The following KLF5 variants were observed in gnomAD, a reference collection of about 807,000 sequenced individuals.
KLF5 encodes the protein KLF transcription factor 5, also known as Krueppel-like factor 5.
A neutral mutation model predicts 36.9 loss-of-function variants in KLF5; 9 were observed. The observed-to-expected ratio is 0.24, with a 90% CI of 0.15 to 0.43. The LOEUF (loss-of-function observed/expected upper bound fraction) is 0.43, where lower values mean the gene tolerates loss of function less well. Ranked by LOEUF, KLF5 falls within the 20% of genes least tolerant of loss-of-function variation. The pLI is 1.00. For missense variants in KLF5, 524 were observed against 599.5 expected (o/e 0.87, Z 1.31); for synonymous variants, 246 against 241.7 (o/e 1.02, Z -0.17).
Position 73,075,926 on chromosome 13 carries a change from C to G in KLF5, c.*40C>G. ...ACCCGTTCCAGGTCCCCTGGGCTCCCTCAAATGACAGACCTAACTATTCCT... is the reference window on the plus strand; with the variant it reads ...ACCCGTTCCAGGTCCCCTGGGCTCCGTCAAATGACAGACCTAACTATTCCT... On this transcript the variant is annotated 3_prime_UTR_variant, in exon 4 of 4. Coordinates refer to ENST00000377687, the MANE Select transcript of KLF5 (RefSeq NM_001730.5). The G allele has an allele frequency of 6.9e-7, 1 of 1,459,644 alleles. No individual in the cohort carries two copies. Among genetic ancestry groups the G allele is most frequent in the East Asian group, 2.4e-5 (1 of 41,296 alleles). The allele number at this position is 1,459,644 out of a possible 1,614,324, so 90.4% of individuals were successfully genotyped here. A position where few individuals can be genotyped will look rare whatever the true frequency, so the allele number is the denominator to read the frequency against.
chr13:73,059,288 T>TA lies in KLF5; in HGVS notation c.-40_-39insA. 1 of 1,326,800 alleles carries TA rather than the reference T, an allele frequency of 7.5e-7. No homozygotes were observed. The highest frequency in any genetic ancestry group is 3.9e-5 in the Admixed American group (1 of 25,678). 82.2% of individuals were successfully genotyped at this position (1,326,800 alleles called of 1,614,324 possible). ...AAGCCAGCGTGGGCGAGGTGGGAAGTGCGCCCGACCCGCGCCTGGAGCTGC... is the reference window on the plus strand; with the variant it reads ...AAGCCAGCGTGGGCGAGGTGGGAAGTAGCGCCCGACCCGCGCCTGGAGCTGC... On this transcript the variant is annotated 5_prime_UTR_variant, in exon 1 of 4. Coordinates refer to ENST00000377687, the MANE Select transcript of KLF5 (RefSeq NM_001730.5).
chr13:73,062,273 A>C lies in KLF5; in HGVS notation c.674A>C (p.Gln225Pro). 3.1e-6 allele frequency: 5 copies of C among 1,614,100 alleles called. No homozygotes were observed. The highest frequency in any genetic ancestry group is 4.2e-6 in the Non-Finnish European group (5 of 1,180,012). Residue 225 changes from glutamine to proline, a missense_variant, in exon 2 of 4, where the codon CAG becomes CCG. Transcript: ENST00000377687. ...PDLHLSVPTQ[Q>P]GHLYQLLNTP... ...CTTCATCTTTCTGTCCCTACCCAGC[A>C]GGGCCACCTGTACCAGCTACTGAAT... is the stretch of plus-strand genomic sequence containing the variant.
At position 73,075,705 on chromosome 13, in the gene KLF5, C is replaced by T; in HGVS notation, c.1196-3C>T. ...GCTTTACCTCCTTTGTTCGTTGTCA[C>T]AGGTGAAAAGCCATACAAGTGTACC... On this transcript the variant is annotated splice_region_variant and splice_polypyrimidine_tract_variant and intron_variant, in intron 3 of 3. Transcript: ENST00000377687. 2 of 1,576,196 alleles carry T rather than the reference C, an allele frequency of 1.3e-6. No homozygotes were observed. Among genetic ancestry groups the T allele is most frequent in the Non-Finnish European group, 1.7e-6 (2 of 1,150,274 alleles).
At chr13:73,073,434 T>G (rs904417625) in intron 3 of KLF5, among the ~76,000 whole-genome samples, 3 of 152,214 alleles carry the variant, frequency 2.0e-5, no homozygotes, top group Non-Finnish European at 4.4e-5. Context: ...CTTTAATGGC[T>G]ACCGTATTTC....
rs754464962 is a variant in KLF5 at position 73,062,193 on chromosome 13, C to T, written c.594C>T (p.Thr198=). 1.9e-6 allele frequency: 3 copies of T among 1,614,114 alleles called. No individual in the cohort carries two copies. Among genetic ancestry groups the T allele is most frequent in the African/African-American group, 1.3e-5 (1 of 75,026 alleles). Residue 198 remains threonine, a synonymous_variant, in exon 2 of 4, where the codon ACC becomes ACT. Transcript: ENST00000377687. ...CCAGTATATTCAGCTCACACCAGAC[C>T]GCAGCTCCAGAGGTGAACAATATTT... is the stretch of plus-strand genomic sequence containing the variant. ...EFTSIFSSHQ[T]AAPEVNNIFI... is the part of the protein sequence containing the mutation.
chr13:73,059,621 C>T, intron 1 of KLF5, 33 bp downstream of exon 1: 1 of 1,140,560 alleles, frequency 8.8e-7, no homozygotes. Flanking sequence ...CACCGCAGCA[C>T]TCCCGGGCTC....
intron 3 of KLF5, among the ~76,000 whole-genome samples, chr13:73,071,689 G>A (rs79967159): frequency 0.11 from 16,626 of 152,114 alleles, 1,186 homozygotes; most frequent in Non-Finnish European, 0.17. Context: ...CTCAAATGAT[G>A]GGAAAAATCT....
chr13:73,066,189 G>T (rs2044678531), intron 3 of KLF5, among the ~76,000 whole-genome samples: 1 of 152,174 alleles, frequency 6.6e-6, no homozygotes, highest in African/African-American at 2.4e-5. Flanking sequence ...TAATCATAGA[G>T]CATTGAGGTT....
Position 73,071,708 on chromosome 13 carries a change from T to A in KLF5, c.1196-4000T>A, listed in dbSNP as rs572363469. On this transcript the variant is annotated intron_variant, in intron 3 of 3. Coordinates refer to ENST00000377687, the MANE Select transcript of KLF5 (RefSeq NM_001730.5). ...AATGATGGGAAAAATCTAATTATTA[T>A]TGAATTGCATGAAAATATTTTCCTC... Among the ~76,000 whole-genome samples the A allele has an allele frequency of 3.9e-5, 6 of 152,330 alleles. No homozygotes were observed. In the South Asian group the frequency reaches 1.2e-3, roughly 32 times the overall value.
At position 73,075,757 on chromosome 13, in the gene KLF5, G is replaced by A. The variant is rs766388079; in HGVS notation, c.1245G>A (p.Ala415=). 2.5e-5 allele frequency: 40 copies of A among 1,612,078 alleles called. No individual in the cohort carries two copies. The highest frequency in any genetic ancestry group is 1.6e-4 in the East Asian group (7 of 44,848). ...GGGAAGGCTGCGACTGGAGGTTCGC[G>A]CGATCGGATGAGCTGACCCGCCACT... The part of the protein sequence containing the change: ...CTWEGCDWRF[A]RSDELTRHYR... Residue 415 remains alanine (A), a synonymous_variant, in exon 4 of 4, where the codon GCG becomes GCA. Coordinates refer to ENST00000377687, the MANE Select transcript of KLF5 (RefSeq NM_001730.5).
rs1343232413 is a variant in KLF5 at position 73,062,375 on chromosome 13, C to T, written c.776C>T (p.Ala259Val). Residue 259 changes from alanine (A) to valine (V), a missense_variant, in exon 2 of 4, where the codon GCC (alanine) becomes GTC (valine). Ala to Val is a moderately conservative substitution (Grantham distance 64, BLOSUM62 0). Transcript: ENST00000377687. ...ACTCTTAATGTTTCTATGTCAGCTG[C>T]CATGGCAGGCCTTAACACACACACC... Reference protein sequence around the residue: ...MDTLNVSMSAAMAGLNTHTSA... With the variant: ...MDTLNVSMSAVMAGLNTHTSA... 1.9e-6 allele frequency: 3 copies of T among 1,614,190 alleles called. No homozygotes were observed. Among genetic ancestry groups the T allele is most frequent in the Middle Eastern group, 1.6e-4 (1 of 6,062 alleles).
intron 3 of KLF5, among the ~76,000 whole-genome samples, chr13:73,071,255 T>C (rs1303529582): frequency 1.3e-5 from 2 of 152,198 alleles, no homozygotes; most frequent in African/African-American, 4.8e-5. Flanking sequence ...TATCGGATTT[T>C]AAAGAAAGTG....
At position 73,059,427 on chromosome 13, in the gene KLF5, C is replaced by A; in HGVS notation, c.100C>A (p.Leu34Met). 1.5e-6 allele frequency: 2 copies of A among 1,311,388 alleles called. No individual in the cohort carries two copies. The highest frequency in any genetic ancestry group is 4.2e-5 in the South Asian group (2 of 47,524). 81.2% of individuals were successfully genotyped at this position (1,311,388 alleles called of 1,614,324 possible). A position where few individuals can be genotyped will look rare whatever the true frequency, so the allele number is the denominator to read the frequency against. Residue 34 changes from leucine (L) to methionine (M), a missense_variant, in exon 1 of 4, where the codon CTG becomes ATG. This residue lies in a region of KLF5 where 454 missense variants were observed against 458.1 expected (regional missense o/e 0.99). Coordinates refer to ENST00000377687, the MANE Select transcript of KLF5 (RefSeq NM_001730.5). ...EPVFAQLKPV[L>M]GAANPARDAA... is the part of the protein sequence containing the mutation. ...GGTGTTCGCGCAGCTCAAGCCGGTG[C>A]TGGGCGCCGCGAATCCGGCCCGCGA... is the stretch of plus-strand genomic sequence containing the variant.
chr13:73,062,373 T>C lies in KLF5; in HGVS notation c.774T>C (p.Ala258=). 1 of 1,614,208 alleles carries C rather than the reference T, an allele frequency of 6.2e-7. No individual in the cohort carries two copies. Among genetic ancestry groups the C allele is most frequent in the Non-Finnish European group, 8.5e-7 (1 of 1,180,032 alleles). ...ACACTCTTAATGTTTCTATGTCAGC[T>C]GCCATGGCAGGCCTTAACACACACA... ...AMDTLNVSMS[A]AMAGLNTHTS... is the part of the protein sequence containing the mutation. The change falls in exon 2 of 4, where the codon GCT becomes GCC. Residue 258 remains alanine, a synonymous_variant. Transcript: ENST00000377687.
chr13:73,063,958 C>A, intron 3 of KLF5, 75 bp downstream of exon 3: 1 of 777,614 alleles, frequency 1.3e-6, no homozygotes, highest in Non-Finnish European at 2.1e-6. Context: ...AAAGCTAACA[C>A]GTGTTTGATC....
upstream of KLF5, among the ~76,000 whole-genome samples, chr13:73,056,012 A>T (rs2044581015): frequency 6.6e-6 from 1 of 152,122 alleles, no homozygotes; most frequent in African/African-American, 2.4e-5. Flanking sequence ...ACATTGCCCT[A>T]GTGATAGCTT....
At chr13:73,068,163 C>G (rs532559345) in intron 3 of KLF5, among the ~76,000 whole-genome samples, 1 of 152,218 alleles carries the variant, frequency 6.6e-6, no homozygotes, top group African/African-American at 2.4e-5. Context: ...TCTTAAAGCA[C>G]TGTGTTCAAG....
intron 3 of KLF5, among the ~76,000 whole-genome samples, chr13:73,073,375 C>T (rs1330011439): frequency 6.6e-6 from 1 of 152,186 alleles, no homozygotes; most frequent in East Asian, 1.9e-4. Flanking sequence ...TGGCTGAATA[C>T]TCTATAGATG....
chr13:73,076,216 A>C lies in KLF5; in HGVS notation c.*330A>C, dbSNP rs1312739850. The C allele has an allele frequency of 9.3e-6, 2 of 214,916 alleles. No individual in the cohort carries two copies. The highest frequency in any genetic ancestry group is 1.8e-4 in the South Asian group (1 of 5,472). 13.3% of individuals were successfully genotyped at this position (214,916 alleles called of 1,614,324 possible). ...CGTTTTTACCTAGGCACCATCATTT[A>C]ATGTGACAGTGTTCAGTAAACAAAT... On this transcript the variant is annotated 3_prime_UTR_variant, in exon 4 of 4. Coordinates refer to ENST00000377687, the MANE Select transcript of KLF5 (RefSeq NM_001730.5).
Sources: allele counts gnomAD v4.1 joint callset (sites outside exome capture counted in the v4.1 genomes callset), GRCh38; gene constraint gnomAD v4.1.1; regional missense constraint gnomAD v4.1.1; transcripts MANE v1.5; gene names NCBI Gene and HGNC (gene_info 2026-07-23, HGNC 2026-07-21).